SLC4A4: variants seen among roughly 807,000 people sequenced by gnomAD.
SLC4A4 encodes the protein electrogenic sodium bicarbonate cotransporter 1.
In SLC4A4, 27 loss-of-function variants were observed where a neutral mutation model predicts 111.5. The observed-to-expected ratio is 0.24, with a 90% confidence interval of 0.18 to 0.33. SLC4A4 has a LOEUF of 0.33. SLC4A4 is among the 10% of genes least tolerant of loss of function. The probability of loss-of-function intolerance (pLI) is 1.00; values close to 1 mark genes in which losing one functional copy is unlikely to be tolerated. For missense variants in SLC4A4, 909 were observed against 1,315.5 expected (o/e 0.69, Z 4.78); for synonymous variants, 443 against 463.4 (o/e 0.96, Z 0.57).
chr4:71,158,894 C>T (rs924129792), intron 2 of SLC4A4, among the ~76,000 whole-genome samples: 1 of 152,122 alleles, frequency 6.6e-6, no homozygotes. Flanking sequence ...GAAGAGAGTG[C>T]TGAAGTGGCG....
intron 3 of SLC4A4, among the ~76,000 whole-genome samples, chr4:71,260,105 T>C (rs1332609612): frequency 6.6e-6 from 1 of 152,224 alleles, no homozygotes; most frequent in Admixed American, 6.5e-5. Context: ...GTGAACATTG[T>C]TCTGTGAGCC....
chr4:71,333,898 T>TTTTTTTTTTTTTTTTTTTTTTTTTTTG (rs1478636727), intron 3 of SLC4A4, among the ~76,000 whole-genome samples: 1 of 152,090 alleles, frequency 6.6e-6, no homozygotes, highest in Non-Finnish European at 1.5e-5. Context: ...CCTGGGTTTC[T>TTTTTTTTTTTTTTTTTTTTTTTTTTTG]AACTTCAGGG....
At chr4:71,076,193 A>T (rs955576293) in intron 1 of SLC4A4, among the ~76,000 whole-genome samples, 2 of 152,126 alleles carry the variant, frequency 1.3e-5, no homozygotes, top group Admixed American at 6.5e-5. Flanking sequence ...ATGTGTTCTT[A>T]GTCCCGAGAA....
At chr4:71,083,990 G>A (rs1443376448) in intron 1 of SLC4A4, among the ~76,000 whole-genome samples, 1 of 151,388 alleles carries the variant, frequency 6.6e-6, no homozygotes, top group East Asian at 1.9e-4. Context: ...TCTGCCTCTT[G>A]GCTGGAGCTG....
intron 3 of SLC4A4, among the ~76,000 whole-genome samples, chr4:71,317,750 G>T (rs183449863): frequency 6.6e-6 from 1 of 152,000 alleles, no homozygotes; most frequent in South Asian, 2.1e-4. Flanking sequence ...GGAAGAGTAC[G>T]GACTTTATGG....
chr4:71,507,799 A>G (rs1243315343), intron 16 of SLC4A4, among the ~76,000 whole-genome samples: 2 of 152,148 alleles, frequency 1.3e-5, no homozygotes, highest in East Asian at 3.9e-4. Context: ...CTTTCTTCTC[A>G]TCACCACACA....
At chr4:71,219,616 A>G (rs1453719877) in intron 1 of SLC4A4, among the ~76,000 whole-genome samples, 1 of 152,256 alleles carries the variant, frequency 6.6e-6, no homozygotes, top group Non-Finnish European at 1.5e-5. Context: ...AATAGCTGTC[A>G]TAAATAGTGA....
intron 3 of SLC4A4, among the ~76,000 whole-genome samples, chr4:71,299,531 G>A (rs568141391): frequency 2.0e-5 from 3 of 152,320 alleles, no homozygotes; most frequent in Non-Finnish European, 4.4e-5. Context: ...TGGGCTTCAA[G>A]ATGGCTCTCA....
intron 6 of SLC4A4, among the ~76,000 whole-genome samples, chr4:71,363,827 C>T (rs1425574753): frequency 2.0e-5 from 3 of 152,162 alleles, no homozygotes; most frequent in Non-Finnish European, 4.4e-5. Context: ...TCTTTCCCAC[C>T]TGAGAATAAA....
chr4:71,132,309 G>C (rs1578509622), intron 2 of SLC4A4, among the ~76,000 whole-genome samples: 1 of 152,138 alleles, frequency 6.6e-6, no homozygotes, highest in South Asian at 2.1e-4. Context: ...ATGTTGACGG[G>C]GGCTCTAAAA....
intron 1 of SLC4A4, among the ~76,000 whole-genome samples, chr4:71,066,737 A>G (rs1741526322): frequency 6.6e-6 from 1 of 152,176 alleles, no homozygotes. Context: ...CTCAGAATCG[A>G]TAGAATCCCT....
At chr4:71,311,409 T>A (rs1163985386) in intron 3 of SLC4A4, among the ~76,000 whole-genome samples, 1 of 152,160 alleles carries the variant, frequency 6.6e-6, no homozygotes, top group Admixed American at 6.6e-5. Flanking sequence ...GAGCACCACG[T>A]AGCACTTACT....
At chr4:71,366,477 C>T (rs555330068) in intron 6 of SLC4A4, among the ~76,000 whole-genome samples, 1 of 152,180 alleles carries the variant, frequency 6.6e-6, no homozygotes, top group African/African-American at 2.4e-5. Context: ...CTCACAACAT[C>T]TTTTTCTACA....
At chr4:71,288,677 G>A (rs1724105338) in intron 3 of SLC4A4, among the ~76,000 whole-genome samples, 1 of 152,080 alleles carries the variant, frequency 6.6e-6, no homozygotes. Context: ...GAGATTACAG[G>A]CATGAACCAC....
chr4:71,114,147 TGAG>T (rs1743180992), intron 2 of SLC4A4, among the ~76,000 whole-genome samples: 1 of 152,006 alleles, frequency 6.6e-6, no homozygotes, highest in Non-Finnish European at 1.5e-5. Context: ...CTCAGGAGGC[TGAG>T]GAGGAGAATG....
At chr4:71,537,594 T>G (rs1023077257) in intron 18 of SLC4A4, among the ~76,000 whole-genome samples, 2 of 152,046 alleles carry the variant, frequency 1.3e-5, no homozygotes, top group African/African-American at 4.8e-5. Context: ...GAGTTGTGGT[T>G]AGGAATATCC....
At chr4:71,141,337 G>A (rs1484198960) in intron 2 of SLC4A4, among the ~76,000 whole-genome samples, 1 of 152,158 alleles carries the variant, frequency 6.6e-6, no homozygotes, top group African/African-American at 2.4e-5. Flanking sequence ...ATCACTTTCT[G>A]TTACATACAG....
chr4:71,355,945 C>T (rs1730250585), intron 5 of SLC4A4, among the ~76,000 whole-genome samples: 1 of 152,194 alleles, frequency 6.6e-6, no homozygotes, highest in Non-Finnish European at 1.5e-5. Context: ...CATCCATGTA[C>T]CAGAAAGGGA....
intron 1 of SLC4A4, among the ~76,000 whole-genome samples, chr4:71,210,556 T>C (rs542450083): frequency 8.0e-4 from 122 of 152,322 alleles, no homozygotes; most frequent in Middle Eastern, 6.8e-3. Context: ...AAATAACATG[T>C]TATTTGTGAT....
Sources: gnomAD v4.1 joint callset for allele counts (sites outside exome capture counted in the v4.1 genomes callset) on GRCh38, gnomAD v4.1.1 for gene constraint, MANE v1.5 for transcripts, NCBI Gene and HGNC (gene_info 2026-07-23, HGNC 2026-07-21) for gene names.